The following MAF variants were observed in gnomAD, a reference collection of about 807,000 sequenced individuals.
The protein encoded by MAF is MAF bZIP transcription factor, also known as transcription factor Maf.
In MAF, 10 loss-of-function variants were observed where a neutral mutation model predicts 22.0. The ratio of observed to expected loss-of-function variants is 0.45; its 90% CI spans 0.28 to 0.77. MAF has a LOEUF of 0.77. MAF is among the 30% of genes least tolerant of loss of function. The probability of loss-of-function intolerance (pLI) is 0.12; values close to 1 mark genes in which losing one functional copy is unlikely to be tolerated. For synonymous variants in MAF, 337 were observed against 255.8 expected, an observed-to-expected ratio of 1.32 and a Z score of -3.03; for missense variants, 544 against 548.4, an observed-to-expected ratio of 0.99 and a Z score of 0.08.
At chr16:79,413,548 G>C in the MAF span, among the ~76,000 whole-genome samples, 1 of 151,838 alleles carries the variant, frequency 6.6e-6, no homozygotes, top group South Asian at 2.1e-4. Flanking sequence ...GTGCAGTTTT[G>C]ATCCAGTTAC....
chr16:79,239,431 TG>T, the MAF span, among the ~76,000 whole-genome samples: 5 of 152,064 alleles, frequency 3.3e-5, no homozygotes, highest in Non-Finnish European at 1.5e-5. Flanking sequence ...TGGAGTTATC[TG>T]GGGGATGGTT....
At chr16:79,360,215 T>C in the MAF span, among the ~76,000 whole-genome samples, 1 of 152,164 alleles carries the variant, frequency 6.6e-6, no homozygotes, top group Non-Finnish European at 1.5e-5. Flanking sequence ...TTTGGATTGC[T>C]CTCCCCATCT....
At chr16:79,219,713 C>T in the MAF span, among the ~76,000 whole-genome samples, 1 of 152,100 alleles carries the variant, frequency 6.6e-6, no homozygotes, top group Non-Finnish European at 1.5e-5. Flanking sequence ...TTGTCTCTGA[C>T]CCCGTTCCCT....
chr16:79,531,957 T>C, the MAF span, among the ~76,000 whole-genome samples: 4 of 152,100 alleles, frequency 2.6e-5, no homozygotes, highest in African/African-American at 9.7e-5. Flanking sequence ...CTGGGGACCG[T>C]GGGAACTCCT....
the MAF span, among the ~76,000 whole-genome samples, chr16:79,434,720 T>G: frequency 1.3e-5 from 2 of 152,018 alleles, no homozygotes; most frequent in Non-Finnish European, 2.9e-5. Context: ...TTCATACATA[T>G]TTTATTTCCT....
the MAF span, among the ~76,000 whole-genome samples, chr16:79,547,922 G>GAGAGAT: frequency 3.6e-5 from 4 of 110,108 alleles, no homozygotes; most frequent in Non-Finnish European, 6.4e-5. Flanking sequence ...GAGAGAGATA[G>GAGAGAT]AGAGAGAGAG....
the MAF span, among the ~76,000 whole-genome samples, chr16:79,265,128 T>A: frequency 6.6e-6 from 1 of 152,300 alleles, no homozygotes; most frequent in African/African-American, 2.4e-5. Flanking sequence ...TAGGCACACA[T>A]GGATATTGCA....
At chr16:79,581,119 C>A (rs1249044147), downstream of MAF, among the ~76,000 whole-genome samples, 3 of 151,552 alleles carry the variant, frequency 2.0e-5, no homozygotes, top group Non-Finnish European at 4.4e-5. Flanking sequence ...ACAGTAAGCA[C>A]CTTAAGTTTT....
chr16:79,572,384 T>C, the MAF span, among the ~76,000 whole-genome samples: 1 of 152,140 alleles, frequency 6.6e-6, no homozygotes, highest in Non-Finnish European at 1.5e-5. Context: ...CCCAACACTT[T>C]TGGCTGTGAC....
intron 1 of MAF, chr16:79,598,349 A>G: frequency 1.8e-6 from 2 of 1,124,664 alleles, no homozygotes; most frequent in Non-Finnish European, 2.2e-6. Context: ...AGAAGAAGAA[A>G]AAATATGTGA....
the MAF span, among the ~76,000 whole-genome samples, chr16:79,441,208 A>G: frequency 6.6e-6 from 1 of 152,242 alleles, no homozygotes; most frequent in Non-Finnish European, 1.5e-5. Flanking sequence ...TCCATTACAA[A>G]TTGAACCACA....
chr16:79,221,659 A>G, the MAF span, among the ~76,000 whole-genome samples: 1 of 152,170 alleles, frequency 6.6e-6, no homozygotes, highest in Non-Finnish European at 1.5e-5. Context: ...TGGACAGCTG[A>G]TAAGAGTGTA....
chr16:79,502,708 AATATATATATATATATAT>A, the MAF span, among the ~76,000 whole-genome samples: 61 of 33,988 alleles, frequency 1.8e-3, 1 homozygote, highest in Middle Eastern at 0.024. Flanking sequence ...TATAAATATA[AATATATATATATATATAT>A]ATATATATAT....
At chr16:79,432,410 T>C in the MAF span, among the ~76,000 whole-genome samples, 1 of 152,202 alleles carries the variant, frequency 6.6e-6, no homozygotes, top group Admixed American at 6.5e-5. Context: ...ATCCTATACA[T>C]GCCTATGATA....
At chr16:79,455,640 A>G in the MAF span, among the ~76,000 whole-genome samples, 1 of 152,254 alleles carries the variant, frequency 6.6e-6, no homozygotes, top group Admixed American at 6.5e-5. Flanking sequence ...TAATCAAGAT[A>G]TGTCAGATAT....
chr16:79,595,203 A>G, intron 1 of MAF: 1 of 1,043,176 alleles, frequency 9.6e-7, no homozygotes, highest in Non-Finnish European at 1.2e-6. Context: ...TTTACTATTA[A>G]GACTTTTGTT....
chr16:79,355,354 G>C, the MAF span, among the ~76,000 whole-genome samples: 1 of 152,212 alleles, frequency 6.6e-6, no homozygotes, highest in African/African-American at 2.4e-5. Context: ...GGCTGTGGTC[G>C]TCCTGTCCCC....
At chr16:79,376,500 G>A in the MAF span, among the ~76,000 whole-genome samples, 2 of 151,952 alleles carry the variant, frequency 1.3e-5, no homozygotes, top group African/African-American at 2.4e-5. Context: ...TTGTTTAGTT[G>A]AGAATACATT....
chr16:79,511,095 C>T, the MAF span, among the ~76,000 whole-genome samples: 3,024 of 48,856 alleles, frequency 0.062, 88 homozygotes, highest in African/African-American at 0.13. Context: ...AATCTCCCCG[C>T]GCACAATGGC....
Sources: gnomAD v4.1 joint callset for allele counts (sites outside exome capture counted in the v4.1 genomes callset) on GRCh38, gnomAD v4.1.1 for gene constraint, MANE v1.5 for transcripts, NCBI Gene and HGNC (gene_info 2026-07-23, HGNC 2026-07-21) for gene names.